The following PSEN2 variants were observed in gnomAD, a reference collection of about 807,000 sequenced individuals.
The protein encoded by PSEN2 is presenilin-2.
PSEN2 carries 32 observed loss-of-function variants against 49.1 expected under a neutral mutation model. That is an observed-to-expected ratio of 0.65 (90% CI 0.49 to 0.88). The LOEUF is 0.88. Among genes scored for constraint, PSEN2 ranks in the 40% least tolerant of loss-of-function variants. The pLI, the probability that PSEN2 is intolerant of heterozygous loss-of-function variation, is 0.00. For missense variants in PSEN2, 522 were observed against 586.9 expected (o/e 0.89, Z 1.14); for synonymous variants, 255 against 244.0 (o/e 1.05, Z -0.42).
At position 226,883,768 on chromosome 1, in the gene PSEN2, C is replaced by G. The variant is rs202133351; in HGVS notation, c.205C>G (p.Pro69Ala). 5.9e-5 allele frequency: 96 copies of G among 1,613,966 alleles called. No individual in the cohort carries two copies. The highest frequency in any genetic ancestry group is 6.9e-5 in the Non-Finnish European group (81 of 1,180,006). Residue 69 changes from proline (P) to alanine (A), a missense_variant, in exon 5 of 13, where the codon CCC becomes GCC. By Grantham distance (27) the Pro-to-Ala change is conservative. Transcript: ENST00000366783. ...DPDRYVCSGV[P>A]GRPPGLEEEL... ...TGACCGCTATGTCTGTAGTGGGGTTCCCGGGCGGCCGCCAGGCCTGGAGGA... is the reference window on the plus strand; with the variant it reads ...TGACCGCTATGTCTGTAGTGGGGTTGCCGGGCGGCCGCCAGGCCTGGAGGA...
rs530065304 is a variant in PSEN2 at position 226,891,786 on chromosome 1, A to G, written c.1014A>G (p.Glu338=). 3 of 1,614,154 alleles carry G rather than the reference A, an allele frequency of 1.9e-6. No homozygotes were observed. The highest frequency in any genetic ancestry group is 1.1e-5 in the South Asian group (1 of 91,080). ...GTTTTGGGGAGCCTTCATACCCCGA[A>G]GTCTTTGAGCCTCCCTTGACTGGCT... ...YDSFGEPSYP[E]VFEPPLTGYP... The change falls in exon 11 of 13, where the codon GAA becomes GAG. Residue 338 remains glutamate (E), a synonymous_variant. Transcript: ENST00000366783.
At chr1:226,888,744 C>T in intron 7 of PSEN2, 85 bp from the exon 8 acceptor site, 1 of 1,167,104 alleles carries the variant, frequency 8.6e-7, no homozygotes, top group Non-Finnish European at 1.3e-6. Flanking sequence ...GTAAAGAGGG[C>T]CAGGTTGGGA....
rs548161965 is a variant in PSEN2, at chr1:226,891,866, G to A, written c.1072+22G>A. 7 of 1,603,048 alleles carry A rather than the reference G, an allele frequency of 4.4e-6. No homozygotes were observed. The South Asian group carries it at 4.4e-5, about 10-fold the overall frequency. On this transcript the variant is annotated intron_variant, in intron 11 of 12. Transcript: ENST00000366783. ...GAAAGTAAGGTGCCCATGTTCACAC[G>A]GCCTGCTTCAGCCTACGGCGGGAGC...
At chr1:226,892,036 G>A (rs1220045650) in intron 11 of PSEN2, among the ~76,000 whole-genome samples, 192 bp downstream of exon 11, 6 of 152,208 alleles carry the variant, frequency 3.9e-5, no homozygotes, top group South Asian at 2.1e-4. Flanking sequence ...GTAGTTGTCC[G>A]GCATGTATTG....
rs768312153 is a variant in PSEN2 at position 226,895,627 on chromosome 1, A to G, written c.*48A>G. 2 of 1,566,110 alleles carry G rather than the reference A, an allele frequency of 1.3e-6. No individual in the cohort carries two copies. The highest frequency in any genetic ancestry group is 1.7e-4 in the Middle Eastern group (1 of 5,808). ...GCAAGCTGCAGGGAATTTTCATTGG[A>G]TGCAGTTGTATAGTTTTACACTCTA... On this transcript the variant is annotated 3_prime_UTR_variant, in exon 13 of 13. Transcript: ENST00000366783.
rs1036852050 is a variant in PSEN2, at chr1:226,882,015, G to A, written c.108G>A (p.Gln36=). ...PTPRSCQEGR[Q]GPEDGENTAQ... is the part of the protein sequence containing the mutation. ...CGCGCTCCTGCCAGGAGGGCAGGCA[G>A]GGCCCAGAGGATGGAGAGAACACTG... The change falls in exon 4 of 13, where the codon CAG becomes CAA. Residue 36 remains glutamine (Q), a synonymous_variant. Coordinates refer to ENST00000366783, the MANE Select transcript of PSEN2 (RefSeq NM_000447.3). 1 of 1,614,166 alleles carries A rather than the reference G, an allele frequency of 6.2e-7. No homozygotes were observed. The highest frequency in any genetic ancestry group is 1.3e-5 in the African/African-American group (1 of 75,064).
chr1:226,875,940 G>A (rs1434133877), intron 3 of PSEN2, among the ~76,000 whole-genome samples: 1 of 152,176 alleles, frequency 6.6e-6, no homozygotes, highest in East Asian at 1.9e-4. Flanking sequence ...GCACTTCCTT[G>A]TTGGAAGGCT....
intron 3 of PSEN2, 59 bp from the exon 4 acceptor site, chr1:226,881,829 C>T: frequency 6.2e-7 from 1 of 1,607,072 alleles, no homozygotes; most frequent in Non-Finnish European, 8.5e-7. Flanking sequence ...CCCCCTGAGT[C>T]CTCCACTGCC....
chr1:226,880,405 A>G, intron 3 of PSEN2: 1 of 890,856 alleles, frequency 1.1e-6, no homozygotes, highest in Non-Finnish European at 1.6e-6. Context: ...AATCACATAT[A>G]TTGTGGGGTG....
downstream of PSEN2, among the ~76,000 whole-genome samples, chr1:226,896,606 A>C (rs1662158870): frequency 6.6e-6 from 1 of 152,174 alleles, no homozygotes; most frequent in Admixed American, 6.5e-5. Context: ...TCACACCTGT[A>C]ATCCCAATAC....
downstream of PSEN2, among the ~76,000 whole-genome samples, chr1:226,900,473 G>A (rs190806896): frequency 5.3e-5 from 8 of 152,340 alleles, no homozygotes; most frequent in Middle Eastern, 0.01. Flanking sequence ...ATTCGGTGAT[G>A]TGTTTTATGC....
At chr1:226,880,462 T>C in intron 3 of PSEN2, 1 of 1,425,950 alleles carries the variant, frequency 7.0e-7, no homozygotes, top group Non-Finnish European at 9.3e-7. Context: ...CTGCTATCCC[T>C]GCCCAGGGTG....
intron 7 of PSEN2, 84 bp downstream of exon 7, chr1:226,888,242 G>A: frequency 7.9e-7 from 1 of 1,267,282 alleles, no homozygotes; most frequent in Non-Finnish European, 1.1e-6. Flanking sequence ...CCTGGGCGGG[G>A]AAAGATGACC....
At chr1:226,873,785 TAGAG>T (rs1290786248) in intron 2 of PSEN2, among the ~76,000 whole-genome samples, 1 of 152,216 alleles carries the variant, frequency 6.6e-6, no homozygotes, top group African/African-American at 2.4e-5. Context: ...ATTAAAACAA[TAGAG>T]GGAGGGAACC....
intron 6 of PSEN2, among the ~76,000 whole-genome samples, chr1:226,886,928 GTC>G (rs1350411361): frequency 1.3e-5 from 2 of 152,166 alleles, no homozygotes; most frequent in Non-Finnish European, 2.9e-5. Flanking sequence ...GTAAGACCCT[GTC>G]TCTAAAAAAA....
intron 3 of PSEN2, among the ~76,000 whole-genome samples, chr1:226,876,933 A>G (rs1181493135): frequency 6.6e-6 from 1 of 152,138 alleles, no homozygotes; most frequent in African/African-American, 2.4e-5. Context: ...TTTTCAGCCC[A>G]AGAGCTCTCT....
downstream of PSEN2, among the ~76,000 whole-genome samples, chr1:226,900,466 C>T (rs909837019): frequency 2.0e-5 from 3 of 152,156 alleles, no homozygotes; most frequent in African/African-American, 7.2e-5. Context: ...GTTTGTGATT[C>T]GGTGATGTGT....
At chr1:226,884,967 AGT>A (rs1188183891) in intron 5 of PSEN2, among the ~76,000 whole-genome samples, 2 of 152,112 alleles carry the variant, frequency 1.3e-5, no homozygotes, top group African/African-American at 4.8e-5. Flanking sequence ...GAAAGCTTAT[AGT>A]GTGTGGGGGA....
chr1:226,880,254 G>T (rs1328414564), intron 3 of PSEN2, among the ~76,000 whole-genome samples: 1 of 151,964 alleles, frequency 6.6e-6, no homozygotes, highest in African/African-American at 2.4e-5. Context: ...GCGTGCATCT[G>T]CAGCCCTAGC....
Sources: gnomAD v4.1 joint callset for allele counts (sites outside exome capture counted in the v4.1 genomes callset) on GRCh38, gnomAD v4.1.1 for gene constraint, MANE v1.5 for transcripts, NCBI Gene and HGNC (gene_info 2026-07-23, HGNC 2026-07-21) for gene names.